Variants in LRRC3B observed in about 807,000 individuals in gnomAD.
LRRC3B encodes the protein leucine rich repeat containing 3B.
LRRC3B carries 2 observed loss-of-function variants against 12.8 expected under a neutral mutation model. The ratio of observed to expected loss-of-function variants is 0.16; its 90% CI spans 0.06 to 0.49. The LOEUF (loss-of-function observed/expected upper bound fraction) is 0.49, where lower values mean the gene tolerates loss of function less well. Ranked by LOEUF, LRRC3B falls within the 20% of genes least tolerant of loss-of-function variation. The pLI, the probability that LRRC3B is intolerant of heterozygous loss-of-function variation, is 0.96. For missense variants in LRRC3B, 189 were observed against 319.4 expected (o/e 0.59, Z 3.11); for synonymous variants, 132 against 122.0 (o/e 1.08, Z -0.54).
At chr3:26,627,576 G>T (rs1451867434) in intron 1 of LRRC3B, among the ~76,000 whole-genome samples, 1 of 152,056 alleles carries the variant, frequency 6.6e-6, no homozygotes. Context: ...ACCCAAGTGT[G>T]ACCAAAATGC....
chr3:26,676,252 G>T (rs1295237331), intron 1 of LRRC3B, among the ~76,000 whole-genome samples: 1 of 113,514 alleles, frequency 8.8e-6, no homozygotes, highest in Non-Finnish European at 1.7e-5. Flanking sequence ...CCCCACAACA[G>T]GCCCTGGTGT....
chr3:26,680,980 G>C (rs543633013), intron 1 of LRRC3B, among the ~76,000 whole-genome samples: 1 of 152,250 alleles, frequency 6.6e-6, no homozygotes, highest in Non-Finnish European at 1.5e-5. Context: ...AGAAACATCT[G>C]TTATTTTGTT....
chr3:26,709,271 A>G (rs1376688163), intron 1 of LRRC3B, among the ~76,000 whole-genome samples: 2 of 152,184 alleles, frequency 1.3e-5, no homozygotes, highest in East Asian at 3.9e-4. Flanking sequence ...CATTCTATCC[A>G]ACTGAAAACC....
chr3:26,643,688 G>A (rs761694040), intron 1 of LRRC3B, among the ~76,000 whole-genome samples: 5 of 152,182 alleles, frequency 3.3e-5, no homozygotes, highest in Admixed American at 6.5e-5. Context: ...GAGTTTGGCT[G>A]AGTAGCATTT....
At chr3:26,665,628 T>A (rs1016348485) in intron 1 of LRRC3B, among the ~76,000 whole-genome samples, 2 of 152,174 alleles carry the variant, frequency 1.3e-5, no homozygotes, top group African/African-American at 2.4e-5. Flanking sequence ...GACACTAAGT[T>A]TGGCTAAATA....
chr3:26,650,938 C>T (rs182598286), intron 1 of LRRC3B, among the ~76,000 whole-genome samples: 40 of 152,166 alleles, frequency 2.6e-4, no homozygotes, highest in Admixed American at 1.4e-3. Flanking sequence ...TGATGTGAAA[C>T]GTGGAGAGCA....
chr3:26,691,810 T>C (rs1198684880), intron 1 of LRRC3B, among the ~76,000 whole-genome samples: 2 of 152,214 alleles, frequency 1.3e-5, no homozygotes, highest in African/African-American at 4.8e-5. Context: ...GTGAGAACCT[T>C]ATACTATCCA....
intron 1 of LRRC3B, among the ~76,000 whole-genome samples, chr3:26,637,555 G>T (rs778563214): frequency 1.1e-4 from 17 of 152,134 alleles, no homozygotes; most frequent in Non-Finnish European, 2.1e-4. Context: ...TGTGTCCAGG[G>T]CTAGGAAACA....
intron 1 of LRRC3B, among the ~76,000 whole-genome samples, chr3:26,662,385 A>G (rs768131247): frequency 6.6e-6 from 1 of 152,056 alleles, no homozygotes; most frequent in Non-Finnish European, 1.5e-5. Flanking sequence ...ATTGAAATGT[A>G]TTACTCCGGA....
At position 26,627,900 on chromosome 3, in the gene LRRC3B, AC is replaced by A. The variant is rs573085917; in HGVS notation, c.-161+4664del. Among the ~76,000 whole-genome samples the A allele has an allele frequency of 2.2e-4, 34 of 152,316 alleles. 1 individual carries two copies. In the East Asian group the frequency reaches 6.2e-3, roughly 28 times the overall value. On this transcript the variant is annotated intron_variant, in intron 1 of 1. Coordinates refer to ENST00000396641, the Ensembl canonical transcript of LRRC3B. ...AGCAGTGTTAAAGAAAAGAGACATA[AC>A]ACTGAAGTTAAGTGTGACAATATCC...
intron 1 of LRRC3B, chr3:26,623,683 G>C (rs1161196260): frequency 3.9e-5 from 6 of 152,352 alleles, no homozygotes; most frequent in Admixed American, 3.9e-4. Context: ...TAGGAGCTGG[G>C]TAGGGACAGA....
In LRRC3B at chr3:26,627,979, C is replaced by T. The variant is rs538825649; in HGVS notation, c.-161+4742C>T. On this transcript the variant is annotated intron_variant, in intron 1 of 1. Coordinates refer to ENST00000396641, the Ensembl canonical transcript of LRRC3B. ...CACAGGAAGGGGAATCCTTTGGAAC[C>T]TGGGCAGACATTCTGGTTTCCAATT... Among the ~76,000 whole-genome samples the T allele has an allele frequency of 9.2e-5, 14 of 152,228 alleles. No individual in the cohort carries two copies. In the South Asian group the frequency reaches 2.7e-3, roughly 29 times the overall value.
At chr3:26,640,684 T>C (rs956377082) in intron 1 of LRRC3B, among the ~76,000 whole-genome samples, 1 of 152,142 alleles carries the variant, frequency 6.6e-6, no homozygotes, top group African/African-American at 2.4e-5. Flanking sequence ...AGCTTGCAGT[T>C]GTAGGAGGAA....
intron 1 of LRRC3B, among the ~76,000 whole-genome samples, chr3:26,650,368 G>T (rs1699240634): frequency 6.6e-6 from 1 of 152,130 alleles, no homozygotes; most frequent in African/African-American, 2.4e-5. Flanking sequence ...TGGGTTGCTG[G>T]ATTCAGAGTT....
chr3:26,666,703 C>A (rs1402954340), intron 1 of LRRC3B, among the ~76,000 whole-genome samples: 1 of 152,166 alleles, frequency 6.6e-6, no homozygotes, highest in Non-Finnish European at 1.5e-5. Context: ...GGTTACATCA[C>A]TATCAATCAA....
intron 1 of LRRC3B, among the ~76,000 whole-genome samples, 199 bp downstream of exon 1, chr3:26,623,436 G>A (rs1274607914): frequency 1.3e-5 from 2 of 152,150 alleles, no homozygotes; most frequent in Non-Finnish European, 2.9e-5. Flanking sequence ...GACCCTCTTC[G>A]CTCCTGTTCA....
intron 1 of LRRC3B, among the ~76,000 whole-genome samples, chr3:26,630,480 TAA>T (rs1331344788): frequency 7.9e-5 from 12 of 152,158 alleles, no homozygotes; most frequent in African/African-American, 2.7e-4. Flanking sequence ...TCTTACATAA[TAA>T]TGCCTCTATA....
intron 1 of LRRC3B, among the ~76,000 whole-genome samples, chr3:26,632,002 C>T (rs1426926981): frequency 1.3e-5 from 2 of 152,182 alleles, no homozygotes; most frequent in Non-Finnish European, 2.9e-5. Context: ...GGGCTTCCAG[C>T]CCTTATATGT....
chr3:26,681,849 C>T (rs1226140566), intron 1 of LRRC3B, among the ~76,000 whole-genome samples: 2 of 152,152 alleles, frequency 1.3e-5, no homozygotes, highest in Non-Finnish European at 2.9e-5. Context: ...TTAGGGAATA[C>T]ATTCCAAAAC....
Sources: allele counts gnomAD v4.1 joint callset (sites outside exome capture counted in the v4.1 genomes callset), GRCh38; gene constraint gnomAD v4.1.1; transcripts MANE v1.5; gene names NCBI Gene and HGNC (gene_info 2026-07-23, HGNC 2026-07-21).